GRM8: variants seen among roughly 807,000 people sequenced by gnomAD.
GRM8 encodes the protein metabotropic glutamate receptor 8.
Under a neutral mutation model 87.2 loss-of-function variants are expected in GRM8, and 47 were observed. The observed-to-expected ratio is 0.54, with a 90% CI of 0.43 to 0.69. The LOEUF (loss-of-function observed/expected upper bound fraction) is 0.69, where lower values mean the gene tolerates loss of function less well. GRM8 is among the 30% of genes least tolerant of loss of function. The probability of loss-of-function intolerance (pLI) is 0.00; values close to 1 mark genes in which losing one functional copy is unlikely to be tolerated. For missense variants in GRM8, 1,019 were observed against 1,139.2 expected, an observed-to-expected ratio of 0.89 and a Z score of 1.52; for synonymous variants, 396 against 404.5, an observed-to-expected ratio of 0.98 and a Z score of 0.25.
intron 7 of GRM8, among the ~76,000 whole-genome samples, chr7:126,687,380 G>T (rs6942895): frequency 6.6e-6 from 1 of 152,072 alleles, no homozygotes; most frequent in East Asian, 1.9e-4. Flanking sequence ...GGCCACTTTT[G>T]AGTTTGCTTG....
intron 7 of GRM8, among the ~76,000 whole-genome samples, chr7:126,661,963 C>T (rs1039001119): frequency 6.6e-6 from 1 of 152,148 alleles, no homozygotes; most frequent in African/African-American, 2.4e-5. Flanking sequence ...GTGTGCAAAG[C>T]ATATGATTTG....
In GRM8 at chr7:126,993,567, A is replaced by G. The variant is rs1812883558; in HGVS notation, c.728-88884T>C. Among the ~76,000 whole-genome samples the G allele has an allele frequency of 2.0e-5, 3 of 152,250 alleles. No homozygotes were observed. In the South Asian group the frequency reaches 6.2e-4, roughly 32 times the overall value. On this transcript the variant is annotated intron_variant, in intron 3 of 10. Transcript: ENST00000339582. ...AGTACCTGGTTTATATTGCTGACAG[A>G]GGAACTAAATGGGTAGGAAAGACAG...
At chr7:126,896,559 T>C (rs962637104) in intron 6 of GRM8, among the ~76,000 whole-genome samples, 2 of 152,124 alleles carry the variant, frequency 1.3e-5, no homozygotes, top group Non-Finnish European at 2.9e-5. Flanking sequence ...TTCATAACTT[T>C]ACAAAACAGA....
In GRM8 at chr7:126,847,810, G is replaced by A. The variant is rs142286080; in HGVS notation, c.1156+54732C>T. ...GAGAGAATATGGACCTCATCTCCAC[G>A]TAGACAAGTATCAACTGTATGTTGC... is the stretch of plus-strand genomic sequence containing the variant. On this transcript the variant is annotated intron_variant, in intron 6 of 10. Coordinates refer to ENST00000339582, the MANE Select transcript of GRM8 (RefSeq NM_000845.3). Among the ~76,000 whole-genome samples, 492 of 152,230 alleles carry A rather than the reference G, an allele frequency of 3.2e-3. 2 individuals are homozygous for A. Among genetic ancestry groups the A allele is most frequent in the African/African-American group, 0.01 (420 of 41,534 alleles).
intron 3 of GRM8, among the ~76,000 whole-genome samples, chr7:126,967,117 A>G (rs1220231255): frequency 1.3e-5 from 2 of 152,120 alleles, no homozygotes; most frequent in Admixed American, 6.6e-5. Flanking sequence ...TGGGTGACAG[A>G]TGGGTTTCTG....
intron 7 of GRM8, among the ~76,000 whole-genome samples, chr7:126,673,223 C>T (rs1806576698): frequency 6.6e-6 from 1 of 152,092 alleles, no homozygotes; most frequent in African/African-American, 2.4e-5. Context: ...CTTCCTTTTC[C>T]CCCAACAAAA....
chr7:126,515,637 AC>A (rs1471063724), intron 9 of GRM8, among the ~76,000 whole-genome samples: 1 of 151,976 alleles, frequency 6.6e-6, no homozygotes, highest in African/African-American at 2.4e-5. Context: ...CTGTGTTCTC[AC>A]CTTTTTCATC....
At chr7:127,212,182 T>C (rs927680082) in intron 2 of GRM8, among the ~76,000 whole-genome samples, 4 of 152,320 alleles carry the variant, frequency 2.6e-5, no homozygotes, top group African/African-American at 9.6e-5. Context: ...TTTTCAATTC[T>C]ATTACTATTT....
At chr7:126,634,391 T>TC in intron 7 of GRM8, among the ~76,000 whole-genome samples, 1 of 152,294 alleles carries the variant, frequency 6.6e-6, no homozygotes, top group Middle Eastern at 3.4e-3. Flanking sequence ...TTGCCTTATT[T>TC]CCCCTTCTCA....
chr7:126,564,473 C>A (rs921792292), intron 8 of GRM8, among the ~76,000 whole-genome samples: 1 of 151,854 alleles, frequency 6.6e-6, no homozygotes, highest in East Asian at 1.9e-4. Context: ...TCAGATAAAC[C>A]AGATAATCTA....
intron 9 of GRM8, among the ~76,000 whole-genome samples, chr7:126,524,450 T>C (rs1370410352): frequency 6.6e-6 from 1 of 152,188 alleles, no homozygotes; most frequent in Non-Finnish European, 1.5e-5. Context: ...TATCTTTTTT[T>C]CCCTTCTAAA....
chr7:127,105,951 T>C (rs1470375626), intron 3 of GRM8, among the ~76,000 whole-genome samples: 1 of 152,170 alleles, frequency 6.6e-6, no homozygotes, highest in Admixed American at 6.5e-5. Context: ...TAAACAAGTT[T>C]TTACATCTTG....
In GRM8 at chr7:126,620,691, C is replaced by CTGCTACAAG. The variant is rs1554425385; in HGVS notation, c.1358-11194_1358-11193insCTTGTAGCA. 9.2e-5 allele frequency among the ~76,000 whole-genome samples: 14 copies of CTGCTACAAG among 151,632 alleles called. No homozygotes were observed. The South Asian group carries it at 2.7e-3, about 29-fold the overall frequency. ...GCATAATAACCCCAACCTTCCTAAA[C>CTGCTACAAG]TGTTGCATGAGATGACAGTGTATAT... is the stretch of plus-strand genomic sequence containing the variant. On this transcript the variant is annotated intron_variant, in intron 7 of 10. Coordinates refer to ENST00000339582, the MANE Select transcript of GRM8 (RefSeq NM_000845.3).
intron 8 of GRM8, among the ~76,000 whole-genome samples, chr7:126,554,893 T>G (rs1792971223): frequency 6.6e-6 from 1 of 152,204 alleles, no homozygotes; most frequent in South Asian, 2.1e-4. Flanking sequence ...AAGAACTTCC[T>G]GTTTTGTTTG....
chr7:126,513,580 C>T (rs1324187208), intron 9 of GRM8, among the ~76,000 whole-genome samples: 4 of 152,126 alleles, frequency 2.6e-5, no homozygotes, highest in African/African-American at 7.2e-5. Context: ...ACAATGTCAG[C>T]TTATTTTCCA....
intron 3 of GRM8, among the ~76,000 whole-genome samples, chr7:127,060,700 G>A (rs1313798831): frequency 6.6e-6 from 1 of 151,868 alleles, no homozygotes; most frequent in Admixed American, 6.6e-5. Context: ...TCCAAATCCA[G>A]AAGATAAACA....
At chr7:127,142,518 C>T (rs888212089) in intron 2 of GRM8, among the ~76,000 whole-genome samples, 1 of 152,108 alleles carries the variant, frequency 6.6e-6, no homozygotes, top group Non-Finnish European at 1.5e-5. Context: ...AAGGTTCTCT[C>T]CCTCAATAAA....
Position 126,650,815 on chromosome 7 carries a change from C to T in GRM8, c.1358-41317G>A, listed in dbSNP as rs142320051. Among the ~76,000 whole-genome samples the T allele has an allele frequency of 1.4e-4, 21 of 152,048 alleles. No homozygotes were observed. The East Asian group carries it at 4.1e-3, about 29-fold the overall frequency. ...CCACTCAGCCTCTTTCCCCAGCCAC[C>T]CCCGTCATCACCCAATGGGCCCATA... On this transcript the variant is annotated intron_variant, in intron 7 of 10. Coordinates refer to ENST00000339582, the MANE Select transcript of GRM8 (RefSeq NM_000845.3).
intron 2 of GRM8, among the ~76,000 whole-genome samples, chr7:127,166,782 T>C (rs1005078700): frequency 6.6e-6 from 1 of 152,158 alleles, no homozygotes; most frequent in Non-Finnish European, 1.5e-5. Flanking sequence ...TGGAGTCCTC[T>C]TATGAAAATA....
Sources: allele counts gnomAD v4.1 joint callset (sites outside exome capture counted in the v4.1 genomes callset), GRCh38; gene constraint gnomAD v4.1.1; transcripts MANE v1.5; gene names NCBI Gene and HGNC (gene_info 2026-07-23, HGNC 2026-07-21).